Variants in AGBL1 observed in about 807,000 individuals in gnomAD.
AGBL1 encodes cytosolic carboxypeptidase 4.
AGBL1 carries 130 observed loss-of-function variants against 118.9 expected under a neutral mutation model. The ratio of observed to expected loss-of-function variants is 1.09; its 90% CI spans 0.95 to 1.26. The LOEUF is 1.26. AGBL1 is among the 50% of genes most tolerant of loss of function. The pLI, the probability that AGBL1 is intolerant of heterozygous loss-of-function variation, is 0.00. For missense variants in AGBL1, 1,584 were observed against 1,298.1 expected, an observed-to-expected ratio of 1.22 and a Z score of -3.38; for synonymous variants, 555 against 478.9, an observed-to-expected ratio of 1.16 and a Z score of -2.08.
At chr15:86,899,551 G>T (rs960259071) in intron 22 of AGBL1, among the ~76,000 whole-genome samples, 1 of 151,924 alleles carries the variant, frequency 6.6e-6, no homozygotes, top group Non-Finnish European at 1.5e-5. Flanking sequence ...TAAAAAAGTA[G>T]CTTGAAATTC....
In AGBL1 at chr15:86,615,474, C is replaced by T. The variant is rs1402016976; in HGVS notation, c.2995-58799C>T. Among the ~76,000 whole-genome samples the T allele has an allele frequency of 1.3e-5, 2 of 152,116 alleles. No individual in the cohort carries two copies. The highest frequency in any genetic ancestry group is 3.2e-3 in the Middle Eastern group (1 of 316). ...TTACTGTGGCTTTAACTAAAATAGGCAACACAAATTGCAGGAACAGATGTA... is the reference window on the plus strand; with the variant it reads ...TTACTGTGGCTTTAACTAAAATAGGTAACACAAATTGCAGGAACAGATGTA... On this transcript the variant is annotated intron_variant, in intron 21 of 22. Coordinates refer to ENST00000614907, the MANE Select transcript of AGBL1 (RefSeq NM_001386094.1). This position sits in a 1 kb window ranked among gnomAD's most constrained non-coding sequence, Gnocchi z 4.3.
intron 18 of AGBL1, among the ~76,000 whole-genome samples, chr15:86,422,631 CA>C (rs1254471163): frequency 6.6e-6 from 1 of 151,606 alleles, no homozygotes; most frequent in Admixed American, 6.6e-5. Context: ...AAAAACCCTT[CA>C]AAAAAATCAA....
At chr15:86,465,368 GTTGT>G (rs1409262005) in intron 18 of AGBL1, among the ~76,000 whole-genome samples, 4 of 152,102 alleles carry the variant, frequency 2.6e-5, no homozygotes, top group Non-Finnish European at 4.4e-5. Context: ...ATCTGCAAAA[GTTGT>G]TTGTAAAGCG....
intron 22 of AGBL1, among the ~76,000 whole-genome samples, chr15:86,849,702 A>G (rs1481382595): frequency 1.3e-5 from 2 of 152,212 alleles, no homozygotes; most frequent in African/African-American, 4.8e-5. Flanking sequence ...AGTGACAGGC[A>G]TGGCACAGAT....
rs371921402 is a variant in AGBL1, at chr15:86,856,334, G to T, written c.3159-50753G>T. ...CATAACAGCACAAATATCCCCAATT[G>T]CTGGGAGGTCTTTTCTTCAATGATC... On this transcript the variant is annotated intron_variant, in intron 22 of 22. Transcript: ENST00000614907. Among the ~76,000 whole-genome samples, 24 of 152,264 alleles carry T rather than the reference G, an allele frequency of 1.6e-4. No individual in the cohort carries two copies. The East Asian group carries it at 3.9e-3, about 24-fold the overall frequency.
At chr15:86,418,236 C>T (rs1326996122) in intron 18 of AGBL1, among the ~76,000 whole-genome samples, 1 of 152,188 alleles carries the variant, frequency 6.6e-6, no homozygotes, top group Non-Finnish European at 1.5e-5. Context: ...GACATATCAC[C>T]AAAGGCACAG....
At chr15:86,273,173 A>T (rs2079189175) in intron 15 of AGBL1, among the ~76,000 whole-genome samples, 1 of 152,132 alleles carries the variant, frequency 6.6e-6, no homozygotes, top group African/African-American at 2.4e-5. Context: ...CTCCTCTTGG[A>T]ATTGGGGAGT....
At position 86,787,279 on chromosome 15, in the gene AGBL1, C is replaced by T. The variant is rs189844129; in HGVS notation, c.3158+112843C>T. On this transcript the variant is annotated intron_variant, in intron 22 of 22. Coordinates refer to ENST00000614907, the MANE Select transcript of AGBL1 (RefSeq NM_001386094.1). ...GGTGAGAGCACCTAAAATCTATTAA[C>T]AAATTTTCAGTATGCAATACAGTAT... Among the ~76,000 whole-genome samples the T allele has an allele frequency of 1.1e-4, 17 of 152,226 alleles. No individual in the cohort carries two copies. The East Asian group carries it at 3.1e-3, about 28-fold the overall frequency.
At chr15:86,449,832 C>T (rs1271959906) in intron 18 of AGBL1, among the ~76,000 whole-genome samples, 2 of 152,158 alleles carry the variant, frequency 1.3e-5, no homozygotes, top group East Asian at 3.9e-4. Flanking sequence ...CATGTCCAAT[C>T]CTTCCACCCA....
chr15:86,686,410 C>T lies in AGBL1; in HGVS notation c.3158+11974C>T, dbSNP rs2086057073. Among the ~76,000 whole-genome samples the T allele has an allele frequency of 2.0e-5, 3 of 150,170 alleles. No individual in the cohort carries two copies. The South Asian group carries it at 6.3e-4, about 32-fold the overall frequency. On this transcript the variant is annotated intron_variant, in intron 22 of 22. Transcript: ENST00000614907. ...TTAATGGCACTACTGATAATAGTAACTGATGTTTATTGACTGCTTAGCATA... is the reference window on the plus strand; with the variant it reads ...TTAATGGCACTACTGATAATAGTAATTGATGTTTATTGACTGCTTAGCATA...
At chr15:86,313,645 A>T (rs1190740671) in intron 17 of AGBL1, among the ~76,000 whole-genome samples, 1 of 152,218 alleles carries the variant, frequency 6.6e-6, no homozygotes, top group Non-Finnish European at 1.5e-5. Context: ...AATCTCATTA[A>T]CTGTTGTTCA....
intron 1 of AGBL1, among the ~76,000 whole-genome samples, chr15:86,139,556 C>A (rs532109060): frequency 6.6e-6 from 1 of 151,764 alleles, no homozygotes; most frequent in Non-Finnish European, 1.5e-5. Flanking sequence ...GGCAGGAGAT[C>A]GAGATCATCC....
chr15:86,712,475 G>A (rs555999986), intron 22 of AGBL1, among the ~76,000 whole-genome samples: 1 of 152,052 alleles, frequency 6.6e-6, no homozygotes, highest in South Asian at 2.1e-4. Context: ...CTTCAAAGTG[G>A]AATATGAAAC....
chr15:86,879,595 T>C (rs549404299), intron 22 of AGBL1, among the ~76,000 whole-genome samples: 1 of 152,274 alleles, frequency 6.6e-6, no homozygotes, highest in East Asian at 1.9e-4. Context: ...ATGTTACAGA[T>C]TGTAATTACC....
chr15:86,256,874 A>G lies in AGBL1; in HGVS notation c.757A>G (p.Met253Val). 1.2e-6 allele frequency: 2 copies of G among 1,613,882 alleles called. No homozygotes were observed. The highest frequency in any genetic ancestry group is 1.1e-5 in the South Asian group (1 of 91,068). Reference sequence around the variant, plus strand: ...TCAGAACTGCCTGGATGACAAGAGCATGGAGCCCGTCATCTCTGTGGTGCT... The same window carrying G: ...TCAGAACTGCCTGGATGACAAGAGCGTGGAGCCCGTCATCTCTGTGGTGCT... ...TTQNCLDDKS[M>V]EPVISVVLQI... Residue 253 changes from methionine to valine, a missense_variant, in exon 8 of 23, where the codon ATG becomes GTG. Physicochemically the swap from Met to Val is conservative, Grantham distance 21. Transcript: ENST00000614907.
At chr15:86,705,555 T>C (rs1448714027) in intron 22 of AGBL1, among the ~76,000 whole-genome samples, 1 of 152,200 alleles carries the variant, frequency 6.6e-6, no homozygotes, top group African/African-American at 2.4e-5. Flanking sequence ...TCATTTAGCA[T>C]TGGAGTTAAA....
chr15:86,880,792 C>CGT (rs930731814), intron 22 of AGBL1, among the ~76,000 whole-genome samples: 72 of 151,658 alleles, frequency 4.7e-4, no homozygotes, highest in African/African-American at 1.4e-3. Flanking sequence ...TGTGTGTGCA[C>CGT]GTGTGTGTGT....
intron 18 of AGBL1, among the ~76,000 whole-genome samples, chr15:86,493,781 G>C (rs1021452902): frequency 6.6e-6 from 1 of 151,990 alleles, no homozygotes; most frequent in African/African-American, 2.4e-5. Context: ...CCAGTGAAGA[G>C]CTTATGGTCT....
intron 17 of AGBL1, among the ~76,000 whole-genome samples, chr15:86,352,733 G>A (rs991818336): frequency 7.2e-5 from 11 of 152,072 alleles, no homozygotes; most frequent in Non-Finnish European, 1.5e-4. Flanking sequence ...TCACTTGAGT[G>A]CCTCAGCCTC....
Sources: gnomAD v4.1 joint callset for allele counts (sites outside exome capture counted in the v4.1 genomes callset) on GRCh38, gnomAD v4.1.1 for gene constraint, Gnocchi (gnomAD v3.1) non-coding constraint, MANE v1.5 for transcripts, NCBI Gene and HGNC (gene_info 2026-07-23, HGNC 2026-07-21) for gene names.